The following ATRN variants were observed in gnomAD, a reference collection of about 807,000 sequenced individuals.
The protein encoded by ATRN is attractin-2.
Under a neutral mutation model 178.7 loss-of-function variants are expected in ATRN, and 54 were observed. That is an observed-to-expected ratio of 0.30 (90% confidence interval 0.24 to 0.38). The LOEUF (loss-of-function observed/expected upper bound fraction) is 0.38. Ranked by LOEUF, ATRN falls within the 10% of genes least tolerant of loss-of-function variation. ATRN has a pLI of 1.00. For missense variants in ATRN, 1,443 were observed against 1,815.1 expected (o/e 0.79, Z 3.73); for synonymous variants, 636 against 663.0 (o/e 0.96, Z 0.63).
intron 1 of ATRN, among the ~76,000 whole-genome samples, chr20:3,519,429 A>G (rs902097142): frequency 6.6e-6 from 1 of 152,214 alleles, no homozygotes; most frequent in Non-Finnish European, 1.5e-5. Flanking sequence ...GCTGAAATCT[A>G]TGATTTCCTC....
At chr20:3,509,864 G>C (rs1286757745) in intron 1 of ATRN, among the ~76,000 whole-genome samples, 1 of 152,106 alleles carries the variant, frequency 6.6e-6, no homozygotes, top group Non-Finnish European at 1.5e-5. Context: ...TAAAAACAGT[G>C]CAAAGCACAA....
chr20:3,549,134 G>C (rs2085749827), intron 5 of ATRN, 36 bp from the exon 6 acceptor site: 1 of 1,529,918 alleles, frequency 6.5e-7, no homozygotes, highest in African/African-American at 1.4e-5. Flanking sequence ...CTTTAAAGCT[G>C]TCTTTTGTGA....
rs11468707 is a variant in ATRN, at chr20:3,535,588, T to TACACACACACACAC, written c.494+278_494+291dup. Among the ~76,000 whole-genome samples the TACACACACACACAC allele has an allele frequency of 2.0e-4, 28 of 143,108 alleles. 1 individual carries two copies. The highest frequency in any genetic ancestry group is 6.5e-4 in the African/African-American group (25 of 38,302). 93.9% of individuals were successfully genotyped at this position (143,108 alleles called of 152,430 possible). A position where few individuals can be genotyped will look rare whatever the true frequency, so the allele number is the denominator to read the frequency against. On this transcript the variant is annotated intron_variant, in intron 2 of 28. Transcript: ENST00000262919. ...CCAACTGTAATAGTTCAGAAACGGTTACACACACACACACACACACACACA... is the reference window on the plus strand; with the variant it reads ...CCAACTGTAATAGTTCAGAAACGGTTACACACACACACACACACACACACACACACACACACACA...
chr20:3,597,880 A>G (rs775589312), intron 21 of ATRN, 26 bp from the exon 22 acceptor site: 8 of 1,415,296 alleles, frequency 5.7e-6, no homozygotes, highest in Admixed American at 1.8e-5. Context: ...TTTAGTTTTT[A>G]AATATGCATT....
intron 24 of ATRN, among the ~76,000 whole-genome samples, chr20:3,608,811 A>G (rs1410974821): frequency 6.6e-6 from 1 of 152,110 alleles, no homozygotes; most frequent in African/African-American, 2.4e-5. Flanking sequence ...TAATAAAAAT[A>G]CAAAAATTAG....
chr20:3,574,017 C>T (rs866723611), intron 12 of ATRN, among the ~76,000 whole-genome samples: 7 of 151,938 alleles, frequency 4.6e-5, no homozygotes, highest in East Asian at 1.9e-4. Context: ...GAATTACAGG[C>T]GTGAGCTACT....
At chr20:3,624,604 T>A in intron 25 of ATRN, 32 bp downstream of exon 25, 1 of 1,554,396 alleles carries the variant, frequency 6.4e-7, no homozygotes, top group Non-Finnish European at 8.9e-7. Flanking sequence ...CTCTCTGTTC[T>A]TTTGATTTAG....
At position 3,634,345 on chromosome 20, in the gene ATRN, G is replaced by T; in HGVS notation, c.3898G>T (p.Val1300Phe). The T allele has an allele frequency of 6.2e-7, 1 of 1,612,946 alleles. No individual in the cohort carries two copies. Among genetic ancestry groups the T allele is most frequent in the East Asian group, 2.2e-5 (1 of 44,890 alleles). ...FLSLLLVAAVVWKIKQSCWAS... is the reference protein window; with the variant it reads ...FLSLLLVAAVFWKIKQSCWAS... ...CTCTTTGCTCCTGGTGGCTGCTGTG[G>T]TTTGGAAGATCAAACAAAGTTGTTG... Residue 1300 changes from valine (V) to phenylalanine (F), a missense_variant, in exon 26 of 29, where the codon GTT (valine) becomes TTT (phenylalanine). This residue lies in a region of ATRN where 289 missense variants were observed against 440.8 expected (regional missense o/e 0.66). Transcript: ENST00000262919.
At chr20:3,615,387 C>T (rs2086829805) in intron 24 of ATRN, among the ~76,000 whole-genome samples, 1 of 149,758 alleles carries the variant, frequency 6.7e-6, no homozygotes, top group Non-Finnish European at 1.5e-5. Context: ...CAAGATTGCA[C>T]CACTGTACTG....
At chr20:3,591,597 C>T (rs908095379) in intron 19 of ATRN, among the ~76,000 whole-genome samples, 1 of 152,158 alleles carries the variant, frequency 6.6e-6, no homozygotes, top group Non-Finnish European at 1.5e-5. Context: ...GTTTCCTTTC[C>T]TCCCATTGAA....
Position 3,593,700 on chromosome 20 carries a change from T to A in ATRN, c.3323-779T>A, listed in dbSNP as rs555583932. ...CTGTTTTATAGTTTTCTTTGGGTGA[T>A]TCCAAAGGATTTATTTTTAAAGCAT... On this transcript the variant is annotated intron_variant, in intron 19 of 28. Coordinates refer to ENST00000262919, the MANE Select transcript of ATRN (RefSeq NM_139321.3). 2.0e-5 allele frequency among the ~76,000 whole-genome samples: 3 copies of A among 152,350 alleles called. No homozygotes were observed. The East Asian group carries it at 5.8e-4, about 29-fold the overall frequency.
chr20:3,486,180 G>T (rs2084691269), intron 1 of ATRN, among the ~76,000 whole-genome samples: 1 of 151,620 alleles, frequency 6.6e-6, no homozygotes, highest in Non-Finnish European at 1.5e-5. Flanking sequence ...TCTTACTCTG[G>T]AAAATTTCAA....
intron 3 of ATRN, among the ~76,000 whole-genome samples, chr20:3,543,411 G>A (rs1168964134): frequency 6.6e-6 from 1 of 152,128 alleles, no homozygotes; most frequent in Non-Finnish European, 1.5e-5. Context: ...AGAGTTCCTA[G>A]AGTTCTGTCT....
chr20:3,618,123 A>C (rs2086867591), intron 24 of ATRN, among the ~76,000 whole-genome samples: 2 of 152,130 alleles, frequency 1.3e-5, no homozygotes, highest in Admixed American at 1.3e-4. Context: ...CCCATATCCC[A>C]GAGAGTCATG....
intron 1 of ATRN, among the ~76,000 whole-genome samples, chr20:3,493,889 T>TA (rs1247966573): frequency 6.6e-6 from 1 of 152,204 alleles, no homozygotes; most frequent in East Asian, 1.9e-4. Context: ...AAAACTGTGT[T>TA]AGAGTTGATA....
At chr20:3,634,674 G>A (rs1253752572) in intron 26 of ATRN, among the ~76,000 whole-genome samples, 2 of 152,160 alleles carry the variant, frequency 1.3e-5, no homozygotes. Context: ...CTTCAGACCA[G>A]AACCCAAGTC....
chr20:3,568,469 C>T (rs946413932), intron 11 of ATRN, among the ~76,000 whole-genome samples: 4 of 151,892 alleles, frequency 2.6e-5, no homozygotes, highest in South Asian at 2.1e-4. Context: ...GCTATGATGA[C>T]GCCACTGCAC....
At chr20:3,517,100 A>G (rs2085215685) in intron 1 of ATRN, among the ~76,000 whole-genome samples, 1 of 152,216 alleles carries the variant, frequency 6.6e-6, no homozygotes, top group Non-Finnish European at 1.5e-5. Context: ...TACACTCCCA[A>G]CAGTGTAAAA....
intron 2 of ATRN, among the ~76,000 whole-genome samples, chr20:3,537,078 G>A (rs1465540418): frequency 6.6e-6 from 1 of 152,134 alleles, no homozygotes; most frequent in African/African-American, 2.4e-5. Flanking sequence ...GAATTATGCA[G>A]ATCTTCCATA....
Sources: gnomAD v4.1 joint callset for allele counts (sites outside exome capture counted in the v4.1 genomes callset) on GRCh38, gnomAD v4.1.1 for gene constraint, gnomAD v4.1.1 regional missense constraint, MANE v1.5 for transcripts, NCBI Gene and HGNC (gene_info 2026-07-23, HGNC 2026-07-21) for gene names.